Variants in RBM20 observed in about 807,000 individuals in gnomAD.
The protein encoded by RBM20 is RNA binding motif protein 20.
RBM20 carries 51 observed loss-of-function variants against 110.1 expected under a neutral mutation model. That is an observed-to-expected ratio of 0.46 (90% CI 0.37 to 0.59). RBM20 has a LOEUF of 0.59. Among genes scored for constraint, RBM20 ranks in the 20% least tolerant of loss-of-function variants. The probability of loss-of-function intolerance (pLI) is 0.00; values close to 1 mark genes in which losing one functional copy is unlikely to be tolerated. For synonymous variants in RBM20, 589 were observed against 618.2 expected (o/e 0.95, Z 0.70); for missense variants, 1,512 against 1,574.9 (o/e 0.96, Z 0.68).
intron 1 of RBM20, among the ~76,000 whole-genome samples, chr10:110,656,688 A>G (rs1474438272): frequency 6.6e-6 from 1 of 152,154 alleles, no homozygotes; most frequent in African/African-American, 2.4e-5. Flanking sequence ...GGATTTGCCT[A>G]TTCGGGAGAT....
chr10:110,835,166 TG>T (rs1845107739), intron 13 of RBM20: 1 of 152,162 alleles, frequency 6.6e-6, no homozygotes, highest in Admixed American at 6.5e-5. Flanking sequence ...ATAGATATGT[TG>T]CCTAGAGCTT....
intron 7 of RBM20, 71 bp downstream of exon 7, chr10:110,799,989 G>A (rs1386223991): frequency 5.0e-6 from 7 of 1,395,358 alleles, no homozygotes; most frequent in Non-Finnish European, 6.9e-6. Context: ...GTTAGGCACT[G>A]ACCTAAACGC....
chr10:110,788,334 T>C (rs1488482643), intron 5 of RBM20, among the ~76,000 whole-genome samples: 1 of 152,238 alleles, frequency 6.6e-6, no homozygotes, highest in African/African-American at 2.4e-5. Flanking sequence ...ACACCTGGTA[T>C]CCACATTCTT....
chr10:110,648,052 G>A (rs772056797), intron 1 of RBM20, among the ~76,000 whole-genome samples: 1 of 152,102 alleles, frequency 6.6e-6, no homozygotes, highest in Non-Finnish European at 1.5e-5. Context: ...GTGGCATCAG[G>A]TTGCATATTT....
Position 110,805,327 on chromosome 10 carries a change from G to A in RBM20, c.1801-5056G>A, listed in dbSNP as rs11195333. Among the ~76,000 whole-genome samples, 1,288 of 152,258 alleles carry A rather than the reference G, an allele frequency of 8.5e-3. 23 individuals carry two copies. The highest frequency in any genetic ancestry group is 0.03 in the African/African-American group (1,229 of 41,530). Reference sequence around the variant, plus strand: ...GAGACAGAGCTTCCAGGCAGGAGTCGGGTGAGTGATGATGTCGAGCCTAGA... The same window carrying A: ...GAGACAGAGCTTCCAGGCAGGAGTCAGGTGAGTGATGATGTCGAGCCTAGA... On this transcript the variant is annotated intron_variant, in intron 7 of 13. Coordinates refer to ENST00000369519, the MANE Select transcript of RBM20 (RefSeq NM_001134363.3).
At position 110,814,729 on chromosome 10, in the gene RBM20, C is replaced by T. The variant is rs532753217; in HGVS notation, c.2550+1782C>T. Among the ~76,000 whole-genome samples, 231 of 152,264 alleles carry T rather than the reference C, an allele frequency of 1.5e-3. 3 individuals are homozygous for T. Among genetic ancestry groups the T allele is most frequent in the African/African-American group, 5.4e-3 (225 of 41,562 alleles). ...CAGGCTGGTCTCGAACTGCTGACCT[C>T]GTGATCCTCCTGCCTTGGCCTCCCA... On this transcript the variant is annotated intron_variant, in intron 9 of 13. Transcript: ENST00000369519.
chr10:110,686,565 G>A (rs558653147), intron 1 of RBM20, among the ~76,000 whole-genome samples: 7 of 152,098 alleles, frequency 4.6e-5, no homozygotes, highest in African/African-American at 1.2e-4. Context: ...TTCAAAGGCT[G>A]CAGTGAGCTA....
At chr10:110,738,341 T>G (rs188720474) in intron 1 of RBM20, among the ~76,000 whole-genome samples, 1 of 152,260 alleles carries the variant, frequency 6.6e-6, no homozygotes, top group Non-Finnish European at 1.5e-5. Flanking sequence ...GGGGCAATTA[T>G]AGGCCTGAGC....
chr10:110,646,401 G>A (rs1263651572), intron 1 of RBM20, among the ~76,000 whole-genome samples: 1 of 152,000 alleles, frequency 6.6e-6, no homozygotes, highest in Non-Finnish European at 1.5e-5. Context: ...TCCCATCTTT[G>A]GAATATCTAA....
intron 1 of RBM20, among the ~76,000 whole-genome samples, chr10:110,767,064 G>A (rs1485146600): frequency 9.6e-5 from 13 of 135,702 alleles, no homozygotes; most frequent in Non-Finnish European, 2.0e-4. Context: ...GGACGGGGCG[G>A]CTGGCCGGGC....
intron 1 of RBM20, among the ~76,000 whole-genome samples, chr10:110,731,961 C>T (rs889405450): frequency 6.6e-6 from 1 of 152,202 alleles, no homozygotes; most frequent in African/African-American, 2.4e-5. Context: ...CATGGACCTT[C>T]AGGTCCATCT....
chr10:110,723,542 A>T (rs1040271174), intron 1 of RBM20, among the ~76,000 whole-genome samples: 2 of 152,268 alleles, frequency 1.3e-5, no homozygotes, highest in Non-Finnish European at 2.9e-5. Context: ...CACCAATGCC[A>T]CTAACAATGA....
chr10:110,763,594 A>G (rs1348720774), intron 1 of RBM20, among the ~76,000 whole-genome samples: 1 of 152,112 alleles, frequency 6.6e-6, no homozygotes, highest in East Asian at 1.9e-4. Flanking sequence ...TTGAGTGTTT[A>G]AGGATTACAG....
chr10:110,776,738 G>T (rs1844269898), intron 1 of RBM20, among the ~76,000 whole-genome samples: 1 of 152,194 alleles, frequency 6.6e-6, no homozygotes, highest in Admixed American at 6.5e-5. Context: ...CCTTTACCAT[G>T]TAAGATAACA....
rs1230380766 is a variant in RBM20, at chr10:110,781,194, G to T, written c.585G>T (p.Val195=). The T allele has an allele frequency of 1.9e-6, 3 of 1,551,552 alleles. No homozygotes were observed. Among genetic ancestry groups the T allele is most frequent in the Non-Finnish European group, 2.6e-6 (3 of 1,147,010 alleles). The change falls in exon 2 of 14, where the codon GTG becomes GTT. Residue 195 remains valine (V), a synonymous_variant. Coordinates refer to ENST00000369519, the MANE Select transcript of RBM20 (RefSeq NM_001134363.3). ...NLPNQPPSAM[V]MHPFTGVMPQ... ...CCAACCAGCCACCCAGTGCCATGGT[G>T]ATGCATCCTTTCACTGGGGTAATGC...
intron 1 of RBM20, among the ~76,000 whole-genome samples, chr10:110,776,357 G>C (rs779177223): frequency 9.2e-5 from 14 of 152,192 alleles, no homozygotes; most frequent in Non-Finnish European, 1.8e-4. Flanking sequence ...AAATTTAATG[G>C]CTTATAATAA....
chr10:110,804,277 G>A (rs1844668312), intron 7 of RBM20, among the ~76,000 whole-genome samples: 1 of 152,306 alleles, frequency 6.6e-6, no homozygotes, highest in African/African-American at 2.4e-5. Context: ...GACCCACCTA[G>A]AGCTCTGGAG....
chr10:110,657,445 A>G (rs1024129388), intron 1 of RBM20, among the ~76,000 whole-genome samples: 2 of 151,812 alleles, frequency 1.3e-5, no homozygotes, highest in African/African-American at 2.4e-5. Flanking sequence ...GGCCATTTGT[A>G]TATCTTCTTT....
intron 12 of RBM20, among the ~76,000 whole-genome samples, chr10:110,826,796 T>C (rs1398440114): frequency 1.3e-5 from 2 of 152,020 alleles, no homozygotes; most frequent in Non-Finnish European, 2.9e-5. Context: ...ATGTTGGCCT[T>C]GAACTGTTGG....
Sources: gnomAD v4.1 joint callset for allele counts (sites outside exome capture counted in the v4.1 genomes callset) on GRCh38, gnomAD v4.1.1 for gene constraint, MANE v1.5 for transcripts, NCBI Gene and HGNC (gene_info 2026-07-23, HGNC 2026-07-21) for gene names.